The following GABRB2 variants were observed in gnomAD, a reference collection of about 807,000 sequenced individuals.
The protein encoded by GABRB2 is gamma-aminobutyric acid receptor subunit beta-2.
Under a neutral mutation model 54.7 loss-of-function variants are expected in GABRB2, and 16 were observed. The observed-to-expected ratio is 0.29, with a 90% confidence interval of 0.20 to 0.44. The LOEUF (loss-of-function observed/expected upper bound fraction) is 0.44. Ranked by LOEUF, GABRB2 falls within the 20% of genes least tolerant of loss-of-function variation. The pLI is 1.00. For missense variants in GABRB2, 355 were observed against 644.0 expected (o/e 0.55, Z 4.86); for synonymous variants, 244 against 233.8 (o/e 1.04, Z -0.40).
chr5:161,547,510 G>A (rs896051476), upstream of GABRB2, among the ~76,000 whole-genome samples: 4 of 151,878 alleles, frequency 2.6e-5, no homozygotes, highest in Admixed American at 6.6e-5. Flanking sequence ...AGAAAACCTC[G>A]GGGTCCTGTT....
chr5:161,441,488 C>A (rs1024753629), intron 4 of GABRB2, among the ~76,000 whole-genome samples: 1 of 152,098 alleles, frequency 6.6e-6, no homozygotes, highest in Admixed American at 6.5e-5. Flanking sequence ...AAATGGGAAT[C>A]CTTATACACT....
chr5:161,364,351 C>T (rs77873103), intron 5 of GABRB2, among the ~76,000 whole-genome samples: 3,358 of 152,214 alleles, frequency 0.022, 131 homozygotes, highest in African/African-American at 0.076. Flanking sequence ...GAAGAGTATA[C>T]GATATAGTTT....
At chr5:161,424,056 G>A (rs1425528436) in intron 4 of GABRB2, among the ~76,000 whole-genome samples, 1 of 152,136 alleles carries the variant, frequency 6.6e-6, no homozygotes, top group Non-Finnish European at 1.5e-5. Flanking sequence ...GGCTATGAGA[G>A]GTGAGGAAGC....
intron 9 of GABRB2, among the ~76,000 whole-genome samples, chr5:161,313,896 G>A (rs1433460703): frequency 6.6e-6 from 1 of 152,176 alleles, no homozygotes; most frequent in Admixed American, 6.5e-5. Context: ...GACTGCCCGT[G>A]CTCTTAACTG....
chr5:161,396,043 ACTTT>A (rs1755989335), intron 5 of GABRB2, among the ~76,000 whole-genome samples: 1 of 152,164 alleles, frequency 6.6e-6, no homozygotes, highest in African/African-American at 2.4e-5. Flanking sequence ...AGAAAAACTT[ACTTT>A]CTTTGAGTGG....
intron 9 of GABRB2, among the ~76,000 whole-genome samples, chr5:161,297,175 G>C (rs986127662): frequency 6.6e-6 from 1 of 152,106 alleles, no homozygotes; most frequent in Non-Finnish European, 1.5e-5. Context: ...GGGTGGTAGG[G>C]TGGGGAAGGT....
intron 6 of GABRB2, 127 bp from the exon 7 acceptor site, chr5:161,335,031 C>T: frequency 1.1e-6 from 1 of 900,892 alleles, no homozygotes; most frequent in Non-Finnish European, 1.7e-6. Context: ...ACACTTTCTT[C>T]TGCAAAAGTA....
At chr5:161,380,906 G>C (rs1477068410) in intron 5 of GABRB2, among the ~76,000 whole-genome samples, 1 of 151,938 alleles carries the variant, frequency 6.6e-6, no homozygotes, top group Non-Finnish European at 1.5e-5. Context: ...TGAGTAGGAG[G>C]GGTTTAAAGG....
intron 9 of GABRB2, among the ~76,000 whole-genome samples, chr5:161,300,171 G>T (rs1289814709): frequency 6.6e-6 from 1 of 152,118 alleles, no homozygotes; most frequent in Non-Finnish European, 1.5e-5. Flanking sequence ...GTTTTAAAGG[G>T]TAAAAGTGGA....
In GABRB2 at chr5:161,494,538, C is replaced by CATGTGTGTGT. The variant is rs1554104312; in HGVS notation, c.238-34695_238-34694insACACACACAT. ...GGGAATATATTTACTGTTAGGTATGCGTGTGTGTGTGTGTGTGTGTGTGTG... is the reference window on the plus strand; with the variant it reads ...GGGAATATATTTACTGTTAGGTATGCATGTGTGTGTGTGTGTGTGTGTGTGTGTGTGTGTG... On this transcript the variant is annotated intron_variant, in intron 3 of 9. Transcript: ENST00000393959. Among the ~76,000 whole-genome samples, 592 of 146,236 alleles carry CATGTGTGTGT rather than the reference C, an allele frequency of 4.0e-3. 4 individuals are homozygous for CATGTGTGTGT. Among genetic ancestry groups the CATGTGTGTGT allele is most frequent in the Non-Finnish European group, 7.2e-3 (471 of 65,808 alleles).
rs1275332243 is a variant in GABRB2, at chr5:161,288,700, A to G, written c.*5381T>C. The G allele has an allele frequency of 1.3e-5, 2 of 152,610 alleles. No homozygotes were observed. Among genetic ancestry groups the G allele is most frequent in the Admixed American group, 6.5e-5 (1 of 15,268 alleles). The allele number at this position is 152,610 out of a possible 1,614,324, so 9.5% of individuals were successfully genotyped here. ...CCATCGGAAAATGTGCATTATGTGC[A>G]TATTAAGAAAGGCTACAAGGTAATT... On this transcript the variant is annotated 3_prime_UTR_variant, in exon 10 of 10. Coordinates refer to ENST00000393959, the MANE Select transcript of GABRB2 (RefSeq NM_001371727.1).
intron 5 of GABRB2, among the ~76,000 whole-genome samples, chr5:161,374,182 G>A (rs1755217179): frequency 6.6e-6 from 1 of 152,054 alleles, no homozygotes; most frequent in Non-Finnish European, 1.5e-5. Flanking sequence ...GATCTCAGAT[G>A]ATCCGTTGGC....
chr5:161,507,570 G>A (rs987111313), intron 3 of GABRB2, among the ~76,000 whole-genome samples: 1 of 151,894 alleles, frequency 6.6e-6, no homozygotes, highest in Non-Finnish European at 1.5e-5. Context: ...ATATATGTGT[G>A]TACACACACA....
intron 4 of GABRB2, among the ~76,000 whole-genome samples, chr5:161,426,645 A>G (rs1371653378): frequency 6.6e-6 from 1 of 152,152 alleles, no homozygotes; most frequent in Non-Finnish European, 1.5e-5. Flanking sequence ...ATAAAGAATT[A>G]AAGCAGAATG....
intron 3 of GABRB2, among the ~76,000 whole-genome samples, chr5:161,492,180 T>C (rs935151218): frequency 1.3e-5 from 2 of 151,604 alleles, no homozygotes; most frequent in African/African-American, 4.8e-5. Flanking sequence ...TTCTTAAAAT[T>C]GACTCATAAA....
At chr5:161,448,535 G>A (rs150405002) in intron 4 of GABRB2, among the ~76,000 whole-genome samples, 7 of 152,272 alleles carry the variant, frequency 4.6e-5, no homozygotes, top group Admixed American at 4.6e-4. Flanking sequence ...AGACCACTTT[G>A]CATGGCCTCC....
At chr5:161,518,300 C>T (rs1760012819) in intron 3 of GABRB2, among the ~76,000 whole-genome samples, 1 of 152,052 alleles carries the variant, frequency 6.6e-6, no homozygotes, top group Non-Finnish European at 1.5e-5. Flanking sequence ...AGAAAAATTC[C>T]AATGGCTTAA....
chr5:161,384,996 C>A (rs779516352), intron 5 of GABRB2, among the ~76,000 whole-genome samples: 2 of 152,028 alleles, frequency 1.3e-5, no homozygotes, highest in Non-Finnish European at 2.9e-5. Context: ...TTGCCTATTC[C>A]CCTTTAAATA....
At chr5:161,441,174 C>T (rs1757455585) in intron 4 of GABRB2, among the ~76,000 whole-genome samples, 1 of 152,054 alleles carries the variant, frequency 6.6e-6, no homozygotes, top group South Asian at 2.1e-4. Context: ...AGTGAAGAGA[C>T]AACCCGAAGA....
Sources: allele counts gnomAD v4.1 joint callset (sites outside exome capture counted in the v4.1 genomes callset), GRCh38; gene constraint gnomAD v4.1.1; transcripts MANE v1.5; gene names NCBI Gene and HGNC (gene_info 2026-07-23, HGNC 2026-07-21).